The following NRG1 variants were observed in gnomAD, a reference collection of about 807,000 sequenced individuals.
NRG1 encodes the protein pro-neuregulin-1, membrane-bound isoform.
Under a neutral mutation model 63.8 loss-of-function variants are expected in NRG1, and 18 were observed. That is an observed-to-expected ratio of 0.28 (90% CI 0.19 to 0.42). The LOEUF (loss-of-function observed/expected upper bound fraction) is 0.42. Ranked by LOEUF, NRG1 falls within the 10% of genes least tolerant of loss-of-function variation. The pLI, the probability that NRG1 is intolerant of heterozygous loss-of-function variation, is 1.00. For synonymous variants in NRG1, 302 were observed against 301.3 expected (o/e 1.00, Z -0.02); for missense variants, 762 against 814.7 (o/e 0.94, Z 0.79).
chr8:32,324,538 G>A (rs1801781341), intron 1 of NRG1, among the ~76,000 whole-genome samples: 1 of 152,182 alleles, frequency 6.6e-6, no homozygotes, highest in Non-Finnish European at 1.5e-5. Context: ...TCTGAAACAA[G>A]CTGAGATGTG....
chr8:32,260,805 G>C (rs183534408), intron 1 of NRG1, among the ~76,000 whole-genome samples: 48 of 152,236 alleles, frequency 3.2e-4, no homozygotes, highest in Admixed American at 7.2e-4. Context: ...CACCCACTGT[G>C]GGCTGGGCTA....
intron 7 of NRG1, among the ~76,000 whole-genome samples, chr8:32,746,213 G>A (rs1827393623): frequency 6.6e-6 from 1 of 152,044 alleles, no homozygotes; most frequent in East Asian, 1.9e-4. Context: ...GTGACACTAC[G>A]GATTGGCATA....
intron 1 of NRG1, among the ~76,000 whole-genome samples, chr8:31,641,541 C>T (rs546038534): frequency 1.3e-5 from 2 of 152,274 alleles, no homozygotes; most frequent in South Asian, 4.1e-4. Context: ...CTTCCCGGGT[C>T]TGCTTCATAT....
intron 1 of NRG1, among the ~76,000 whole-genome samples, chr8:32,518,228 T>G (rs1830020516): frequency 1.3e-5 from 2 of 151,984 alleles, no homozygotes; most frequent in Admixed American, 6.6e-5. Context: ...AGAGGCAGAG[T>G]GAAATTAGCA....
chr8:32,031,703 C>T (rs898437796), intron 1 of NRG1, among the ~76,000 whole-genome samples: 19 of 152,114 alleles, frequency 1.2e-4, no homozygotes, highest in African/African-American at 3.9e-4. Flanking sequence ...TAAGTGAGAA[C>T]GTGTGGTATT....
intron 1 of NRG1, among the ~76,000 whole-genome samples, chr8:32,479,426 G>A (rs1270244763): frequency 1.3e-5 from 2 of 151,790 alleles, no homozygotes; most frequent in Admixed American, 6.6e-5. Context: ...GCAGTGAGCC[G>A]AGATCGTACC....
intron 1 of NRG1, among the ~76,000 whole-genome samples, chr8:32,286,789 G>A (rs1018799789): frequency 1.3e-5 from 2 of 152,118 alleles, no homozygotes; most frequent in Non-Finnish European, 2.9e-5. Context: ...CTGAGGTCAC[G>A]AGTTCAAGAC....
At chr8:32,297,159 C>G (rs1854994726) in intron 1 of NRG1, among the ~76,000 whole-genome samples, 1 of 152,034 alleles carries the variant, frequency 6.6e-6, no homozygotes, top group African/African-American at 2.4e-5. Context: ...TATTCCATTT[C>G]TGTGTCCTGC....
intron 1 of NRG1, among the ~76,000 whole-genome samples, chr8:31,985,899 G>A (rs1219878529): frequency 6.6e-6 from 1 of 152,092 alleles, no homozygotes; most frequent in East Asian, 1.9e-4. Flanking sequence ...ATGGCACTTG[G>A]CAAAACATTG....
intron 1 of NRG1, among the ~76,000 whole-genome samples, chr8:31,827,275 A>G (rs1468902015): frequency 6.6e-6 from 1 of 152,202 alleles, no homozygotes; most frequent in Non-Finnish European, 1.5e-5. Context: ...GTTTCTGCCA[A>G]TATTTGAGCA....
At chr8:31,959,930 G>T (rs1390723449) in intron 1 of NRG1, among the ~76,000 whole-genome samples, 3 of 151,694 alleles carry the variant, frequency 2.0e-5, no homozygotes, top group South Asian at 4.2e-4. Flanking sequence ...AAATGCTGAG[G>T]CCACAGGCAC....
chr8:32,105,877 G>A (rs1391262265), intron 1 of NRG1, among the ~76,000 whole-genome samples: 1 of 152,048 alleles, frequency 6.6e-6, no homozygotes, highest in East Asian at 1.9e-4. Flanking sequence ...TTCAAACATG[G>A]CCACTTTGTA....
rs879051988 is a variant in NRG1 at position 32,759,517 on chromosome 8, A to G, written c.1052+81A>G. ...GCCTTTTGATATCCCTGCCTAAGAA[A>G]GGAGGCAGTGAAATGGATGGTCTTT... On this transcript the variant is annotated intron_variant, in intron 10 of 11. Transcript: ENST00000356819. 4.0e-6 allele frequency: 6 copies of G among 1,515,138 alleles called. No individual in the cohort carries two copies. In the South Asian group the frequency reaches 7.5e-5, roughly 19 times the overall value. The allele number at this position is 1,515,138 out of a possible 1,614,324, so 93.9% of individuals were successfully genotyped here. A position where few individuals can be genotyped will look rare whatever the true frequency, so the allele number is the denominator to read the frequency against.
intron 5 of NRG1, among the ~76,000 whole-genome samples, chr8:32,626,759 G>A (rs760728337): frequency 6.6e-6 from 1 of 152,164 alleles, no homozygotes; most frequent in Middle Eastern, 3.4e-3. Flanking sequence ...GGTGGCTCAT[G>A]CCTGTAATTC....
In NRG1 at chr8:32,138,377, A is replaced by G. The variant is rs142791894; in HGVS notation, c.38-457451A>G. 6.9e-3 allele frequency among the ~76,000 whole-genome samples: 1,050 copies of G among 152,028 alleles called. 10 individuals are homozygous for G. The highest frequency in any genetic ancestry group is 0.024 in the African/African-American group (1,001 of 41,494). ...TGGGGTCCTTCAAGCAGGGGAATACAAACAAAGCATTTTTCTCCCAAAACA... is the reference window on the plus strand; with the variant it reads ...TGGGGTCCTTCAAGCAGGGGAATACGAACAAAGCATTTTTCTCCCAAAACA... On this transcript the variant is annotated intron_variant, in intron 1 of 10. Transcript: ENST00000519301.
intron 1 of NRG1, among the ~76,000 whole-genome samples, chr8:31,891,390 T>C: frequency 6.6e-6 from 1 of 152,124 alleles, no homozygotes; most frequent in East Asian, 1.9e-4. Context: ...GAAAAGATGT[T>C]CAAGGTCATT....
chr8:32,524,865 C>T (rs991318546), intron 1 of NRG1, among the ~76,000 whole-genome samples: 1 of 152,142 alleles, frequency 6.6e-6, no homozygotes, highest in South Asian at 2.1e-4. Flanking sequence ...ATTAACCGCT[C>T]ATCACATGAA....
intron 1 of NRG1, among the ~76,000 whole-genome samples, chr8:32,373,308 AG>A (rs1399007827): frequency 6.6e-6 from 1 of 152,220 alleles, no homozygotes; most frequent in Non-Finnish European, 1.5e-5. Context: ...TGATTTTGAC[AG>A]TGTAAATTTG....
exon 12 of NRG1, chr8:32,764,557 G>A (rs1831269689): frequency 1.2e-5 from 8 of 671,864 alleles, no homozygotes; most frequent in Middle Eastern, 4.2e-4. Flanking sequence ...GTAAAAATGT[G>A]TTATGTGCCA....
Sources: gnomAD v4.1 joint callset for allele counts (sites outside exome capture counted in the v4.1 genomes callset) on GRCh38, gnomAD v4.1.1 for gene constraint, MANE v1.5 for transcripts, NCBI Gene and HGNC (gene_info 2026-07-23, HGNC 2026-07-21) for gene names.